ITGAL: variants seen among roughly 807,000 people sequenced by gnomAD.
The protein encoded by ITGAL is integrin alpha-L.
ITGAL carries 68 observed loss-of-function variants against 138.4 expected under a neutral mutation model. The ratio of observed to expected loss-of-function variants is 0.49; its 90% CI spans 0.40 to 0.60. The LOEUF (loss-of-function observed/expected upper bound fraction) is 0.60, where lower values mean the gene tolerates loss of function less well. ITGAL is among the 20% of genes least tolerant of loss of function. ITGAL has a pLI of 0.00. For synonymous variants in ITGAL, 561 were observed against 584.3 expected (o/e 0.96, Z 0.57); for missense variants, 1,256 against 1,478.6 (o/e 0.85, Z 2.47).
chr16:30,508,853 T>C (rs1255946818), intron 21 of ITGAL, among the ~76,000 whole-genome samples: 1 of 151,552 alleles, frequency 6.6e-6, no homozygotes, highest in Non-Finnish European at 1.5e-5. Context: ...AGCGAGACCT[T>C]GTCTCAGGAA....
At chr16:30,488,850 C>G (rs908218715) in intron 9 of ITGAL, 6 of 515,024 alleles carry the variant, frequency 1.2e-5, no homozygotes, top group South Asian at 3.9e-5. Flanking sequence ...GCACTCCAAC[C>G]TGGGCAACAG....
chr16:30,505,814 T>A (rs902442149), intron 20 of ITGAL, among the ~76,000 whole-genome samples: 3 of 152,104 alleles, frequency 2.0e-5, no homozygotes, highest in African/African-American at 7.2e-5. Context: ...GCCAGGAGTT[T>A]GAGGCTGCAG....
chr16:30,473,688 G>T (rs1055773572), intron 1 of ITGAL, among the ~76,000 whole-genome samples: 1 of 152,146 alleles, frequency 6.6e-6, no homozygotes, highest in Admixed American at 6.6e-5. Flanking sequence ...GGCTGACTGA[G>T]GGGGAAGGGA....
In ITGAL at chr16:30,519,947, A is replaced by G. The variant is rs748315049; in HGVS notation, c.3319A>G (p.Ile1107Val). 9 of 1,612,718 alleles carry G rather than the reference A, an allele frequency of 5.6e-6. 1 individual carries two copies. In the South Asian group the frequency reaches 8.8e-5, roughly 16 times the overall value. Reference sequence around the variant, plus strand: ...CGGGGGGCTGCTGCTGCTGCTGCTCATTTTCATAGTGCTGTACAAGGTGGG... The same window carrying G: ...CGGGGGGCTGCTGCTGCTGCTGCTCGTTTTCATAGTGCTGTACAAGGTGGG... ...GIGGLLLLLL[I>V]FIVLYKVGFF... The change falls in exon 30 of 31, where the codon ATT (isoleucine) becomes GTT (valine). Residue 1107 changes from isoleucine to valine, a missense_variant. Ile to Val is a conservative substitution (Grantham distance 29, BLOSUM62 3). This residue lies in a region of ITGAL where 867 missense variants were observed against 972.5 expected (regional missense o/e 0.89). Coordinates refer to ENST00000356798, the MANE Select transcript of ITGAL (RefSeq NM_002209.3).
intron 28 of ITGAL, 112 bp downstream of exon 28, chr16:30,518,007 A>G (rs2051196321): frequency 1.2e-6 from 1 of 808,378 alleles, no homozygotes; most frequent in Non-Finnish European, 2.1e-6. Flanking sequence ...TTCCATCTTG[A>G]TGAAAAATCC....
chr16:30,519,397 T>A (rs2051217808), intron 29 of ITGAL, among the ~76,000 whole-genome samples: 1 of 149,772 alleles, frequency 6.7e-6, no homozygotes, highest in South Asian at 2.1e-4. Context: ...AAAAAAAAAA[T>A]CAATCTGATG....
chr16:30,480,446 C>T (rs1188554370), intron 6 of ITGAL: 2 of 151,996 alleles, frequency 1.3e-5, no homozygotes, highest in Admixed American at 6.6e-5. Flanking sequence ...TTCTGGCTGG[C>T]GTAGCTTCAG....
At chr16:30,507,527 G>A (rs1340695290) in intron 21 of ITGAL, among the ~76,000 whole-genome samples, 1 of 151,626 alleles carries the variant, frequency 6.6e-6, no homozygotes, top group Non-Finnish European at 1.5e-5. Flanking sequence ...GTGTGCGGCT[G>A]TAATCCCAGC....
chr16:30,517,603 T>C, intron 26 of ITGAL, 46 bp from the exon 27 acceptor site: 2 of 1,544,566 alleles, frequency 1.3e-6, no homozygotes, highest in Non-Finnish European at 1.8e-6. Flanking sequence ...CAGTGTCTTA[T>C]CTGGGTTGGG....
intron 17 of ITGAL, 50 bp downstream of exon 17, chr16:30,499,539 G>A: frequency 6.3e-7 from 1 of 1,585,210 alleles, no homozygotes; most frequent in East Asian, 2.2e-5. Context: ...GCAGGGGCAG[G>A]CTCAGCTCCG....
At chr16:30,503,883 C>T in intron 17 of ITGAL, 1 of 234,782 alleles carries the variant, frequency 4.3e-6, no homozygotes, top group Middle Eastern at 4.2e-4. Flanking sequence ...TAATGGCTGC[C>T]TAGGTCAAAA....
At chr16:30,521,317 G>T (rs1425943603) in intron 30 of ITGAL, among the ~76,000 whole-genome samples, 175 bp from the exon 31 acceptor site, 1 of 151,428 alleles carries the variant, frequency 6.6e-6, no homozygotes, top group East Asian at 1.9e-4. Flanking sequence ...TGAGGCAAGA[G>T]AATTGCTTAA....
chr16:30,503,187 G>A (rs1181051990), intron 17 of ITGAL, among the ~76,000 whole-genome samples: 1 of 151,980 alleles, frequency 6.6e-6, no homozygotes, highest in African/African-American at 2.4e-5. Flanking sequence ...GAATCCCCAG[G>A]TCCTCATCAC....
At chr16:30,518,276 T>C (rs990128017) in intron 28 of ITGAL, among the ~76,000 whole-genome samples, 1 of 151,584 alleles carries the variant, frequency 6.6e-6, no homozygotes, top group African/African-American at 2.4e-5. Flanking sequence ...GGTGAAACCC[T>C]GTCTGTACTA....
Position 30,474,308 on chromosome 16 carries a change from G to A in ITGAL, c.164+10G>A. On this transcript the variant is annotated intron_variant, in intron 2 of 30. Coordinates refer to ENST00000356798, the MANE Select transcript of ITGAL (RefSeq NM_002209.3). The stretch of plus-strand genomic sequence containing the variant: ...TGCAGGTCGGAAACGGGTGAGCTGT[G>A]CCCCACAAGTCCTCCTCCTGATGCC... The A allele has an allele frequency of 1.3e-6, 2 of 1,583,888 alleles. No individual in the cohort carries two copies. Among genetic ancestry groups the A allele is most frequent in the Non-Finnish European group, 1.7e-6 (2 of 1,161,206 alleles).
intron 17 of ITGAL, 68 bp downstream of exon 17, chr16:30,499,557 C>A: frequency 6.7e-7 from 1 of 1,500,134 alleles, no homozygotes; most frequent in Non-Finnish European, 9.2e-7. Context: ...CCGTCACTGT[C>A]CAGTGGGTGA....
intron 24 of ITGAL, among the ~76,000 whole-genome samples, chr16:30,512,978 G>C (rs2051111233): frequency 6.6e-6 from 1 of 152,254 alleles, no homozygotes; most frequent in Non-Finnish European, 1.5e-5. Flanking sequence ...TGGGATTACA[G>C]GCGTAAGCCA....
intron 9 of ITGAL, among the ~76,000 whole-genome samples, chr16:30,488,238 A>G (rs1343930857): frequency 6.6e-6 from 1 of 151,762 alleles, no homozygotes; most frequent in African/African-American, 2.4e-5. Context: ...AGGCAGGAGT[A>G]TCATGATTTG....
chr16:30,518,514 C>T, intron 28 of ITGAL, 110 bp from the exon 29 acceptor site: 1 of 716,196 alleles, frequency 1.4e-6, no homozygotes, highest in East Asian at 2.6e-5. Context: ...ATGGGTGCAC[C>T]CCCCTGGAAC....
Sources: gnomAD v4.1 joint callset for allele counts (sites outside exome capture counted in the v4.1 genomes callset) on GRCh38, gnomAD v4.1.1 for gene constraint, gnomAD v4.1.1 regional missense constraint, MANE v1.5 for transcripts, NCBI Gene and HGNC (gene_info 2026-07-23, HGNC 2026-07-21) for gene names.